The following ROR2 variants were observed in gnomAD, a reference collection of about 807,000 sequenced individuals.
The protein encoded by ROR2 is tyrosine-protein kinase transmembrane receptor ROR2.
A neutral mutation model predicts 74.9 loss-of-function variants in ROR2; 33 were observed. The observed-to-expected ratio is 0.44, with a 90% CI of 0.33 to 0.59. The LOEUF (loss-of-function observed/expected upper bound fraction) is 0.59. Ranked by LOEUF, ROR2 falls within the 20% of genes least tolerant of loss-of-function variation. The probability of loss-of-function intolerance (pLI) is 0.02; values close to 1 mark genes in which losing one functional copy is unlikely to be tolerated. For synonymous variants in ROR2, 586 were observed against 558.7 expected, an observed-to-expected ratio of 1.05 and a Z score of -0.69; for missense variants, 1,216 against 1,313.8, an observed-to-expected ratio of 0.93 and a Z score of 1.15.
At chr9:91,725,216 G>C (rs545851090) in intron 8 of ROR2, 109 bp from the exon 9 acceptor site, 2 of 1,582,918 alleles carry the variant, frequency 1.3e-6, no homozygotes, top group South Asian at 1.1e-5. Context: ...GACTAGGGGG[G>C]CCTTGCAGAA....
intron 1 of ROR2, among the ~76,000 whole-genome samples, chr9:91,839,479 G>A (rs150087521): frequency 1.4e-4 from 21 of 151,580 alleles, no homozygotes; most frequent in Non-Finnish European, 2.2e-4. Context: ...GTGTATACGC[G>A]TGAGGATATG....
At chr9:91,866,673 G>A (rs1829644976) in intron 1 of ROR2, among the ~76,000 whole-genome samples, 1 of 151,484 alleles carries the variant, frequency 6.6e-6, no homozygotes, top group South Asian at 2.1e-4. Flanking sequence ...AGACATATGG[G>A]GCTACTAAAA....
chr9:91,819,994 C>T (rs1828090378), intron 1 of ROR2, among the ~76,000 whole-genome samples: 1 of 151,782 alleles, frequency 6.6e-6, no homozygotes, highest in Non-Finnish European at 1.5e-5. Context: ...GTGTCTGTAC[C>T]CGTGTGTGTC....
At chr9:91,946,331 C>A (rs1196494701) in intron 1 of ROR2, among the ~76,000 whole-genome samples, 1 of 152,226 alleles carries the variant, frequency 6.6e-6, no homozygotes, top group African/African-American at 2.4e-5. Context: ...GGAGTCACAA[C>A]CAATGGGCAA....
At chr9:91,909,830 T>TTAGG in intron 1 of ROR2, among the ~76,000 whole-genome samples, 4 of 146,466 alleles carry the variant, frequency 2.7e-5, no homozygotes, top group South Asian at 2.1e-4. Context: ...ATTCTTTTTT[T>TTAGG]TTTTTAGGTT....
chr9:91,833,516 C>T (rs1828527849), intron 1 of ROR2, among the ~76,000 whole-genome samples: 2 of 152,334 alleles, frequency 1.3e-5, no homozygotes, highest in South Asian at 2.1e-4. Flanking sequence ...AGTCCCACCA[C>T]CAGCACCGCC....
At chr9:91,875,481 C>A (rs1829930495) in intron 1 of ROR2, among the ~76,000 whole-genome samples, 1 of 152,144 alleles carries the variant, frequency 6.6e-6, no homozygotes, top group South Asian at 2.1e-4. Context: ...AATTATGATA[C>A]CCACCAGTGA....
At chr9:91,867,670 G>GTGTGTA (rs1829676084) in intron 1 of ROR2, among the ~76,000 whole-genome samples, 1 of 149,894 alleles carries the variant, frequency 6.7e-6, no homozygotes. Flanking sequence ...GTGTGTGTGT[G>GTGTGTA]TGTGTGTGTG....
At chr9:91,907,646 A>C (rs546276978) in intron 1 of ROR2, among the ~76,000 whole-genome samples, 1 of 152,224 alleles carries the variant, frequency 6.6e-6, no homozygotes, top group East Asian at 1.9e-4. Context: ...GGCGCTTCCC[A>C]CTCACTGCAA....
intron 1 of ROR2, among the ~76,000 whole-genome samples, chr9:91,782,474 T>G (rs936829924): frequency 4.0e-5 from 6 of 151,390 alleles, no homozygotes; most frequent in Admixed American, 2.6e-4. Context: ...TCCATTTGCT[T>G]AAGGCTTTTC....
chr9:91,857,313 C>A (rs930927761), intron 1 of ROR2, among the ~76,000 whole-genome samples: 1 of 152,216 alleles, frequency 6.6e-6, no homozygotes, highest in African/African-American at 2.4e-5. Context: ...CGCAGCCAGG[C>A]TTGACCTCAC....
At chr9:91,904,909 G>A in intron 1 of ROR2, among the ~76,000 whole-genome samples, 1 of 151,902 alleles carries the variant, frequency 6.6e-6, no homozygotes, top group Non-Finnish European at 1.5e-5. Flanking sequence ...GAACACACGT[G>A]TGCGCACACA....
chr9:91,745,558 TGGGATTACA>T (rs1043674437), intron 4 of ROR2, among the ~76,000 whole-genome samples: 1 of 150,554 alleles, frequency 6.6e-6, no homozygotes, highest in Non-Finnish European at 1.5e-5. Flanking sequence ...CCCAAGCAGC[TGGGATTACA>T]GGTGTGTGCC....
chr9:91,758,668 CT>C (rs1280579477), intron 2 of ROR2, among the ~76,000 whole-genome samples: 3 of 152,192 alleles, frequency 2.0e-5, no homozygotes, highest in Admixed American at 6.5e-5. Context: ...GCTGGAAACA[CT>C]GCCCTGATAA....
chr9:91,831,467 A>G (rs1410861343), intron 1 of ROR2, among the ~76,000 whole-genome samples: 2 of 152,158 alleles, frequency 1.3e-5, no homozygotes, highest in South Asian at 4.2e-4. Context: ...GACAACATCC[A>G]TTCCCCTGCA....
intron 1 of ROR2, among the ~76,000 whole-genome samples, chr9:91,880,820 G>T (rs1321765175): frequency 6.6e-6 from 1 of 152,226 alleles, no homozygotes; most frequent in Non-Finnish European, 1.5e-5. Context: ...AAATGTTCCA[G>T]ACTGGAGGAG....
intron 1 of ROR2, among the ~76,000 whole-genome samples, chr9:91,796,172 T>A (rs1048096952): frequency 1.3e-5 from 2 of 152,100 alleles, no homozygotes; most frequent in African/African-American, 4.8e-5. Flanking sequence ...CCAGGCACAG[T>A]GAATCATGCC....
chr9:91,889,620 C>T lies in ROR2; in HGVS notation c.97+60247G>A, dbSNP rs74827966. ...CCACTACGGTCCCTTCCATCTGAAG[C>T]AGTCAGTGGGCTCATGACAAATGCC... On this transcript the variant is annotated intron_variant, in intron 1 of 8. Transcript: ENST00000375708. 1.2e-3 allele frequency among the ~76,000 whole-genome samples: 181 copies of T among 152,266 alleles called. 1 individual carries two copies. The highest frequency in any genetic ancestry group is 4.2e-3 in the African/African-American group (176 of 41,548).
intron 1 of ROR2, among the ~76,000 whole-genome samples, chr9:91,863,505 TAAAGTA>T (rs1829536865): frequency 6.6e-6 from 1 of 151,878 alleles, no homozygotes; most frequent in African/African-American, 2.4e-5. Flanking sequence ...TCCCAGAACT[TAAAGTA>T]AAAGAAAAGA....
Sources: gnomAD v4.1 joint callset for allele counts (sites outside exome capture counted in the v4.1 genomes callset) on GRCh38, gnomAD v4.1.1 for gene constraint, MANE v1.5 for transcripts, NCBI Gene and HGNC (gene_info 2026-07-23, HGNC 2026-07-21) for gene names.